Variants in ERF observed in about 807,000 individuals in gnomAD.
ERF encodes the protein ETS2 repressor factor.
In ERF, 10 loss-of-function variants were observed where a neutral mutation model predicts 41.6. The ratio of observed to expected loss-of-function variants is 0.24; its 90% CI spans 0.15 to 0.41. ERF has a LOEUF of 0.41. ERF is among the 10% of genes least tolerant of loss of function. The pLI, the probability that ERF is intolerant of heterozygous loss-of-function variation, is 1.00. For missense variants in ERF, 621 were observed against 763.2 expected, an observed-to-expected ratio of 0.81 and a Z score of 2.19; for synonymous variants, 395 against 342.4, an observed-to-expected ratio of 1.15 and a Z score of -1.70.
At chr19:42,251,455 G>A (rs1419307904) in intron 1 of ERF, 1 of 212,754 alleles carries the variant, frequency 4.7e-6, no homozygotes, top group Non-Finnish European at 7.8e-6. Context: ...GGTGGGGGGT[G>A]GGGGGTGGGG....
In ERF at chr19:42,255,123, C is replaced by G. The variant is rs1365505218; in HGVS notation, c.-124G>C. ...CCTCACCCGGCCTCGCCTCTCAGAG[C>G]CTCTCCCCTCCCCGCCGCCGCCTCC... On this transcript the variant is annotated 5_prime_UTR_variant, in exon 1 of 4. Transcript: ENST00000222329. The G allele has an allele frequency of 7.4e-6, 6 of 806,872 alleles. No homozygotes were observed. The African/African-American group carries it at 1.1e-4, about 15-fold the overall frequency. The allele number at this position is 806,872 out of a possible 1,614,324, so 50.0% of individuals were successfully genotyped here. A position where few individuals can be genotyped will look rare whatever the true frequency, so the allele number is the denominator to read the frequency against.
In ERF at chr19:42,248,664, C is replaced by T; in HGVS notation, c.1448G>A (p.Arg483His). 3 of 1,604,390 alleles carry T rather than the reference C, an allele frequency of 1.9e-6. No individual in the cohort carries two copies. The highest frequency in any genetic ancestry group is 2.6e-6 in the Non-Finnish European group (3 of 1,173,236). Residue 483 changes from arginine (R) to histidine (H), a missense_variant, in exon 4 of 4, where the codon CGC (arginine) becomes CAC (histidine). Transcript: ENST00000222329. This position sits in a 1 kb window ranked among gnomAD's most constrained non-coding sequence, Gnocchi z 4.2. ...GTCTTCACTCCAGCGCCGCTTAAAGCGTAGCTTGAGGGGCATGCACTGGGA... is the reference window on the plus strand; with the variant it reads ...GTCTTCACTCCAGCGCCGCTTAAAGTGTAGCTTGAGGGGCATGCACTGGGA... Reference protein sequence around the residue: ...GASQCMPLKLRFKRRWSEDCR... With the variant: ...GASQCMPLKLHFKRRWSEDCR...
chr19:42,249,755 A>G lies in ERF; in HGVS notation c.374-17T>C. ...CTGCACCCCCTGGCAGAAGGGAGAC[A>G]GTGTCAAGGCCCCTGGCCTAGCCTG... On this transcript the variant is annotated splice_polypyrimidine_tract_variant and intron_variant, in intron 3 of 3. Coordinates refer to ENST00000222329, the MANE Select transcript of ERF (RefSeq NM_006494.4). The surrounding 1 kb of genome is among the most constrained non-coding windows in gnomAD (Gnocchi z 8.6). 6.2e-7 allele frequency: 1 copy of G among 1,610,442 alleles called. No individual in the cohort carries two copies. Among genetic ancestry groups the G allele is most frequent in the Non-Finnish European group, 8.5e-7 (1 of 1,177,214 alleles).
chr19:42,255,114 C>T lies in ERF; in HGVS notation c.-115G>A. 1.1e-6 allele frequency: 1 copy of T among 876,626 alleles called. No individual in the cohort carries two copies. The highest frequency in any genetic ancestry group is 1.5e-6 in the Non-Finnish European group (1 of 660,292). The allele number at this position is 876,626 out of a possible 1,614,324, so 54.3% of individuals were successfully genotyped here. On this transcript the variant is annotated 5_prime_UTR_variant, in exon 1 of 4. Transcript: ENST00000222329. ...CCCTCGCCGCCTCACCCGGCCTCGC[C>T]TCTCAGAGCCTCTCCCCTCCCCGCC...
intron 1 of ERF, chr19:42,254,775 A>G: frequency 1.9e-6 from 1 of 520,188 alleles, no homozygotes; most frequent in Non-Finnish European, 3.2e-6. Flanking sequence ...CACCCACACC[A>G]CTCCGCCCGG....
Position 42,249,649 on chromosome 19 carries a change from G to A in ERF, c.463C>T (p.Pro155Ser). The A allele has an allele frequency of 1.2e-6, 2 of 1,609,182 alleles. No homozygotes were observed. The highest frequency in any genetic ancestry group is 2.2e-5 in the East Asian group (1 of 44,832). ...PPSTPSEVLSPTEDPRSPPAC... is the reference protein window; with the variant it reads ...PPSTPSEVLSSTEDPRSPPAC... Reference sequence around the variant, plus strand: ...GGTGGTGAGCGGGGGTCCTCGGTGGGGGACAGCACCTCGGAGGGCGTTGAG... The same window carrying A: ...GGTGGTGAGCGGGGGTCCTCGGTGGAGGACAGCACCTCGGAGGGCGTTGAG... Residue 155 changes from proline (P) to serine (S), a missense_variant, in exon 4 of 4, where the codon CCC (proline) becomes TCC (serine). Around this residue, in one of 3 missense-constraint regions of ERF, gnomAD observed 569 missense variants for 625.5 expected, o/e 0.91. Transcript: ENST00000222329. The surrounding 1 kb of genome is among the most constrained non-coding windows in gnomAD (Gnocchi z 8.6).
At position 42,250,933 on chromosome 19, in the gene ERF, C is replaced by A. The variant is rs1182665104; in HGVS notation, c.23-368G>T. On this transcript the variant is annotated intron_variant, in intron 1 of 3. Coordinates refer to ENST00000222329, the MANE Select transcript of ERF (RefSeq NM_006494.4). The surrounding 1 kb of genome is among the most constrained non-coding windows in gnomAD (Gnocchi z 5.1). ...CGTGGCCAGCCGGGTTGGGGTACAG[C>A]CCCCCAGCTTACCCCCACTCCCATT... is the stretch of plus-strand genomic sequence containing the variant. Among the ~76,000 whole-genome samples, 1 of 152,056 alleles carries A rather than the reference C, an allele frequency of 6.6e-6. No homozygotes were observed. Among genetic ancestry groups the A allele is most frequent in the Non-Finnish European group, 1.5e-5 (1 of 67,986 alleles).
intron 1 of ERF, among the ~76,000 whole-genome samples, chr19:42,252,183 T>C (rs1285808530): frequency 6.6e-6 from 1 of 152,158 alleles, no homozygotes. Context: ...ACCAGCTTCA[T>C]GGACCCTCAT....
Position 42,249,124 on chromosome 19 carries a change from C to T in ERF, c.988G>A (p.Ala330Thr), listed in dbSNP as rs756887571. ...SVYNYHLSPRAFLHYPGLVVP... is the reference protein window; with the variant it reads ...SVYNYHLSPRTFLHYPGLVVP... ...ACCAGCCCAGGGTAGTGCAGGAAGG[C>T]GCGGGGGCTGAGGTGGTAGTTGTAG... Residue 330 changes from alanine to threonine, a missense_variant, in exon 4 of 4, where the codon GCC (alanine) becomes ACC (threonine). Ala to Thr is a moderately conservative substitution (Grantham distance 58). This residue lies in a region of ERF where 569 missense variants were observed against 625.5 expected (regional missense o/e 0.91). Coordinates refer to ENST00000222329, the MANE Select transcript of ERF (RefSeq NM_006494.4). The surrounding 1 kb of genome is among the most constrained non-coding windows in gnomAD (Gnocchi z 8.6). The T allele has an allele frequency of 5.0e-6, 8 of 1,613,682 alleles. No homozygotes were observed. Among genetic ancestry groups the T allele is most frequent in the Admixed American group, 1.7e-5 (1 of 59,988 alleles).
chr19:42,255,060 CCCCGT>C lies in ERF; in HGVS notation c.-66_-62del. 1 of 1,292,972 alleles carries C rather than the reference CCCCGT, an allele frequency of 7.7e-7. No homozygotes were observed. The highest frequency in any genetic ancestry group is 1.6e-5 in the African/African-American group (1 of 64,422). 80.1% of individuals were successfully genotyped at this position (1,292,972 alleles called of 1,614,324 possible). A position where few individuals can be genotyped will look rare whatever the true frequency, so the allele number is the denominator to read the frequency against. On this transcript the variant is annotated 5_prime_UTR_variant, in exon 1 of 4. Transcript: ENST00000222329. Reference sequence around the variant, plus strand: ...GCCGCGGCTCCCGGCGCCCTCGCTGCCCCGTCCCGTCCCGCGCCCGTCGGGCCGCC... The same window carrying C: ...GCCGCGGCTCCCGGCGCCCTCGCTGCCCCGTCCCGCGCCCGTCGGGCCGCC...
intron 1 of ERF, among the ~76,000 whole-genome samples, chr19:42,252,513 C>T (rs774629753): frequency 9.2e-5 from 14 of 152,172 alleles, no homozygotes; most frequent in Non-Finnish European, 1.6e-4. Flanking sequence ...AAAGGGAACT[C>T]GGAAAGGAGG....
intron 1 of ERF, chr19:42,251,435 G>A (rs2036443257): frequency 3.1e-6 from 1 of 319,454 alleles, no homozygotes. Flanking sequence ...GGAGGGGGTG[G>A]GCAGCCTGGG....
chr19:42,250,710 G>A lies in ERF; in HGVS notation c.23-145C>T. The A allele has an allele frequency of 1.3e-6, 1 of 798,462 alleles. No individual in the cohort carries two copies. 49.5% of individuals were successfully genotyped at this position (798,462 alleles called of 1,614,324 possible). A position where few individuals can be genotyped will look rare whatever the true frequency, so the allele number is the denominator to read the frequency against. On this transcript the variant is annotated intron_variant, in intron 1 of 3. Transcript: ENST00000222329. This position sits in a 1 kb window ranked among gnomAD's most constrained non-coding sequence, Gnocchi z 5.1. ...CAAGTCAAGATCTGATTTAAGAGAA[G>A]ACAGTGCGTGTCTGTCTGTCTGCAT... is the stretch of plus-strand genomic sequence containing the variant.
At chr19:42,253,894 G>A (rs2036489373) in intron 1 of ERF, 3 of 1,082,038 alleles carry the variant, frequency 2.8e-6, no homozygotes, top group Non-Finnish European at 3.4e-6. Context: ...GCCGGGGGAA[G>A]GAAACAAGTT....
intron 1 of ERF, 97 bp downstream of exon 1, chr19:42,254,881 C>G: frequency 1.5e-6 from 2 of 1,359,322 alleles, no homozygotes; most frequent in Admixed American, 6.4e-5. Context: ...CTGGGGATCA[C>G]TCGGGCTCCC....
intron 1 of ERF, among the ~76,000 whole-genome samples, chr19:42,252,515 G>C (rs2036460857): frequency 6.6e-6 from 1 of 152,198 alleles, no homozygotes; most frequent in South Asian, 2.1e-4. Context: ...AGGGAACTCG[G>C]AAAGGAGGTG....
chr19:42,254,491 C>T (rs1477767319), intron 1 of ERF: 1 of 153,414 alleles, frequency 6.5e-6, no homozygotes, highest in Non-Finnish European at 1.5e-5. Context: ...CCCGGGCTCC[C>T]CACTCACGCC....
intron 1 of ERF, among the ~76,000 whole-genome samples, chr19:42,252,286 G>A (rs904317445): frequency 6.6e-6 from 1 of 152,120 alleles, no homozygotes; most frequent in African/African-American, 2.4e-5. Context: ...CTAGAAGGGG[G>A]GCCAAAGCCC....
chr19:42,254,889 C>A (rs1231237839), intron 1 of ERF, 89 bp downstream of exon 1: 3 of 1,400,192 alleles, frequency 2.1e-6, no homozygotes, highest in East Asian at 2.9e-5. Context: ...CACTCGGGCT[C>A]CCCCGGACCC....
Sources: allele counts gnomAD v4.1 joint callset (sites outside exome capture counted in the v4.1 genomes callset), GRCh38; gene constraint gnomAD v4.1.1; regional missense constraint gnomAD v4.1.1; non-coding constraint Gnocchi (gnomAD v3.1); transcripts MANE v1.5; gene names NCBI Gene and HGNC (gene_info 2026-07-23, HGNC 2026-07-21).